Variants in TBCE observed in about 807,000 individuals in gnomAD.
The protein encoded by TBCE is tubulin folding cofactor E, also known as tubulin-specific chaperone E.
Under a neutral mutation model 77.0 loss-of-function variants are expected in TBCE, and 53 were observed. The ratio of observed to expected loss-of-function variants is 0.69; its 90% confidence interval spans 0.55 to 0.87. The LOEUF is 0.87. TBCE is among the 40% of genes least tolerant of loss of function. TBCE has a pLI of 0.00. For missense variants in TBCE, 624 were observed against 622.4 expected, an observed-to-expected ratio of 1.00 and a Z score of -0.03; for synonymous variants, 235 against 241.3, an observed-to-expected ratio of 0.97 and a Z score of 0.24.
At chr1:235,387,566 A>T (rs986694867) in intron 2 of TBCE, among the ~76,000 whole-genome samples, 1 of 152,166 alleles carries the variant, frequency 6.6e-6, no homozygotes, top group Non-Finnish European at 1.5e-5. Flanking sequence ...CTGTGCTAGC[A>T]ATCAGTGAGA....
In TBCE at chr1:235,436,608, A is replaced by C. The variant is rs780292098; in HGVS notation, c.963A>C (p.Gln321His). The change falls in exon 11 of 17, where the codon CAA (glutamine) becomes CAC (histidine). Residue 321 changes from glutamine to histidine, a missense_variant and splice_region_variant. By Grantham distance (24) the Gln-to-His change is conservative (BLOSUM62 0). Coordinates refer to ENST00000642610, the MANE Select transcript of TBCE (RefSeq NM_003193.5). ...YLVVNDNQIS[Q>H]WSFFNELEKL... ...TAGTAAACGACAATCAGATATCACAAGTAAGAGCTGCTCGGAGTATGCCCA... is the reference window on the plus strand; with the variant it reads ...TAGTAAACGACAATCAGATATCACACGTAAGAGCTGCTCGGAGTATGCCCA... 6.2e-7 allele frequency: 1 copy of C among 1,613,496 alleles called. No individual in the cohort carries two copies. The highest frequency in any genetic ancestry group is 8.5e-7 in the Non-Finnish European group (1 of 1,179,378).
At chr1:235,383,312 T>G (rs1306713365) in intron 2 of TBCE, among the ~76,000 whole-genome samples, 4 of 152,146 alleles carry the variant, frequency 2.6e-5, no homozygotes, top group Non-Finnish European at 5.9e-5. Context: ...CTTTTTTGGT[T>G]CTATATGAAC....
At chr1:235,417,437 G>C (rs1227370820) in intron 4 of TBCE, among the ~76,000 whole-genome samples, 1 of 152,194 alleles carries the variant, frequency 6.6e-6, no homozygotes, top group Non-Finnish European at 1.5e-5. Context: ...CATCTATCAT[G>C]CATCAATAGA....
chr1:235,384,396 T>A (rs1184970382), intron 2 of TBCE, among the ~76,000 whole-genome samples: 3 of 146,698 alleles, frequency 2.0e-5, no homozygotes, highest in South Asian at 2.2e-4. Context: ...GAATGGTACC[T>A]GTTCCTCCTT....
At chr1:235,417,354 T>C (rs1019883867) in intron 4 of TBCE, among the ~76,000 whole-genome samples, 2 of 152,242 alleles carry the variant, frequency 1.3e-5, no homozygotes, top group Non-Finnish European at 2.9e-5. Flanking sequence ...CCTGTAGTTC[T>C]TTTCAATGAT....
Position 235,419,168 on chromosome 1 carries a change from C to T in TBCE, c.372-305C>T. 6.9e-6 allele frequency: 3 copies of T among 434,162 alleles called. 1 individual carries two copies. Among genetic ancestry groups the T allele is most frequent in the South Asian group, 4.3e-5 (2 of 46,902 alleles). 26.9% of individuals were successfully genotyped at this position (434,162 alleles called of 1,614,324 possible). ...GTTGCAGTGAGTCTAGATTGTGCCA[C>T]TGCACTCCAGCCTGGGCAACACAAC... On this transcript the variant is annotated intron_variant, in intron 4 of 16. Coordinates refer to ENST00000642610, the MANE Select transcript of TBCE (RefSeq NM_003193.5).
chr1:235,409,266 C>G (rs1216040398), intron 3 of TBCE, among the ~76,000 whole-genome samples: 1 of 152,054 alleles, frequency 6.6e-6, no homozygotes, highest in Admixed American at 6.6e-5. Flanking sequence ...GAGGAAGGAA[C>G]CTGAACAGGC....
chr1:235,383,606 G>C (rs924373158), intron 2 of TBCE, among the ~76,000 whole-genome samples: 13 of 152,056 alleles, frequency 8.5e-5, no homozygotes, highest in Non-Finnish European at 1.8e-4. Context: ...CTCATGATTT[G>C]GCTCTCTGTT....
intron 1 of TBCE, among the ~76,000 whole-genome samples, chr1:235,379,463 G>C (rs1401587471): frequency 6.6e-6 from 1 of 152,150 alleles, no homozygotes; most frequent in Non-Finnish European, 1.5e-5. Flanking sequence ...GGGAGGTGGA[G>C]GTTGCAGTGA....
intron 4 of TBCE, chr1:235,416,003 A>C (rs568460641): frequency 6.6e-6 from 1 of 152,052 alleles, no homozygotes; most frequent in Non-Finnish European, 1.5e-5. Context: ...CCCTGTCTCT[A>C]CTAAAAATAC....
In TBCE at chr1:235,438,708, G is replaced by A. The variant is rs368107756; in HGVS notation, c.1117-61G>A. 101 of 1,608,010 alleles carry A rather than the reference G, an allele frequency of 6.3e-5. No individual in the cohort carries two copies. In the Middle Eastern group the frequency reaches 9.9e-4, roughly 16 times the overall value. On this transcript the variant is annotated intron_variant, in intron 12 of 16. Transcript: ENST00000642610. ...ATGGAGGAAGGACAAGGTGCAAAAC[G>A]CAAAGGACATGTTAGAAAAAAGCTT... is the stretch of plus-strand genomic sequence containing the variant.
rs1304822048 is a variant in TBCE at position 235,430,688 on chromosome 1, CT to C, written c.561-9del. 13 of 1,571,796 alleles carry C rather than the reference CT, an allele frequency of 8.3e-6. No individual in the cohort carries two copies. The highest frequency in any genetic ancestry group is 2.2e-5 in the East Asian group (1 of 44,482). ...CTGTATAGAAATAAGTACATTGTATCTTTTTTTTCTACACAGTGAAAATAAA... is the reference window on the plus strand; with the variant it reads ...CTGTATAGAAATAAGTACATTGTATCTTTTTTTCTACACAGTGAAAATAAA... On this transcript the variant is annotated splice_polypyrimidine_tract_variant and intron_variant, in intron 6 of 16. Transcript: ENST00000642610.
intron 10 of TBCE, 46 bp from the exon 11 acceptor site, chr1:235,436,498 C>T (rs767537730): frequency 4.9e-5 from 79 of 1,609,920 alleles, no homozygotes; most frequent in Non-Finnish European, 6.2e-5. Context: ...CACTATACTT[C>T]AGCTACTTTC....
intron 2 of TBCE, among the ~76,000 whole-genome samples, chr1:235,394,989 GC>G (rs1678641095): frequency 6.6e-6 from 1 of 152,166 alleles, no homozygotes; most frequent in Admixed American, 6.6e-5. Context: ...ACAGGCATGA[GC>G]CACAGTTCCA....
chr1:235,374,869 A>G (rs1218183647), intron 1 of TBCE, among the ~76,000 whole-genome samples: 2 of 143,214 alleles, frequency 1.4e-5, no homozygotes, highest in Non-Finnish European at 3.0e-5. Context: ...ATAGGGCAGT[A>G]GTAGAAAATT....
At chr1:235,400,820 G>A (rs1679058584) in intron 2 of TBCE, among the ~76,000 whole-genome samples, 1 of 151,668 alleles carries the variant, frequency 6.6e-6, no homozygotes, top group Non-Finnish European at 1.5e-5. Flanking sequence ...TCAGCCTCCC[G>A]AGTAGCTGGG....
rs1450977718 is a variant in TBCE, at chr1:235,419,537, G to T, written c.436G>T (p.Gly146Ter). 6.2e-7 allele frequency: 1 copy of T among 1,614,086 alleles called. No individual in the cohort carries two copies. Among genetic ancestry groups the T allele is most frequent in the Non-Finnish European group, 8.5e-7 (1 of 1,180,020 alleles). ...NCAVSCAGEK[G>*]GVAEACPNIR... ...TGCAGTAAGTTGTGCTGGTGAAAAA[G>T]GAGGAGTTGCTGAAGCATGTCCTAG... Residue 146 changes from glycine to a stop codon, truncating the protein, a stop_gained, in exon 5 of 17, where the codon GGA becomes TGA. Transcript: ENST00000642610. LOFTEE classifies it high-confidence loss of function.
chr1:235,394,616 G>C lies in TBCE; in HGVS notation c.101-6887G>C, dbSNP rs148779560. Among the ~76,000 whole-genome samples the C allele has an allele frequency of 3.7e-3, 560 of 151,446 alleles. 3 individuals are homozygous for C. Among genetic ancestry groups the C allele is most frequent in the African/African-American group, 0.013 (533 of 41,338 alleles). On this transcript the variant is annotated intron_variant, in intron 2 of 16. Coordinates refer to ENST00000642610, the MANE Select transcript of TBCE (RefSeq NM_003193.5). The stretch of plus-strand genomic sequence containing the variant: ...CAGCTAATTTTTTGTATTTTTTAGA[G>C]AGCGGGTTTTGCCAGGCTGGTGTTT...
At chr1:235,432,879 T>C (rs1681183944) in intron 7 of TBCE, 1 of 576,190 alleles carries the variant, frequency 1.7e-6, no homozygotes, top group Non-Finnish European at 2.3e-6. Flanking sequence ...TTATATATTA[T>C]TATACATAAT....
Sources: allele counts gnomAD v4.1 joint callset (sites outside exome capture counted in the v4.1 genomes callset), GRCh38; gene constraint gnomAD v4.1.1; transcripts MANE v1.5; gene names NCBI Gene and HGNC (gene_info 2026-07-23, HGNC 2026-07-21).